Variants in RAD51B observed in about 807,000 individuals in gnomAD.
RAD51B encodes DNA repair protein RAD51 homolog 2.
In RAD51B, 38 loss-of-function variants were observed where a neutral mutation model predicts 42.2. The ratio of observed to expected loss-of-function variants is 0.90; its 90% confidence interval spans 0.70 to 1.18. The LOEUF (loss-of-function observed/expected upper bound fraction) is 1.18. RAD51B is among the 50% of genes most tolerant of loss of function. RAD51B has a pLI of 0.00. For synonymous variants in RAD51B, 154 were observed against 145.2 expected, an observed-to-expected ratio of 1.06 and a Z score of -0.43; for missense variants, 373 against 400.7, an observed-to-expected ratio of 0.93 and a Z score of 0.59.
intron 11 of RAD51B, among the ~76,000 whole-genome samples, chr14:68,681,879 T>G (rs1016693951): frequency 6.6e-6 from 1 of 152,152 alleles, no homozygotes; most frequent in South Asian, 2.1e-4. Context: ...ATGAAAGATA[T>G]AGTGGACTTT....
intron 7 of RAD51B, among the ~76,000 whole-genome samples, chr14:67,899,324 C>G (rs1178041511): frequency 1.3e-5 from 2 of 151,920 alleles, no homozygotes; most frequent in African/African-American, 4.8e-5. Flanking sequence ...GCTGGGATTA[C>G]AGGTGTGAGC....
intron 7 of RAD51B, among the ~76,000 whole-genome samples, chr14:67,898,814 A>G (rs1290199305): frequency 6.6e-6 from 1 of 152,268 alleles, no homozygotes; most frequent in African/African-American, 2.4e-5. Context: ...TTAACTTTGT[A>G]AGATTAAAAA....
intron 11 of RAD51B, among the ~76,000 whole-genome samples, chr14:68,653,657 C>T (rs1166224716): frequency 1.3e-5 from 2 of 152,174 alleles, no homozygotes; most frequent in Non-Finnish European, 2.9e-5. Context: ...CTCCTGGAGC[C>T]AAAATCACCC....
intron 7 of RAD51B, among the ~76,000 whole-genome samples, chr14:68,252,689 C>T (rs974932612): frequency 2.0e-5 from 3 of 152,166 alleles, no homozygotes; most frequent in Non-Finnish European, 4.4e-5. Flanking sequence ...CATACAAACC[C>T]ATTTGTTATT....
intron 7 of RAD51B, among the ~76,000 whole-genome samples, chr14:68,233,012 C>G (rs1230479767): frequency 6.6e-6 from 1 of 152,146 alleles, no homozygotes; most frequent in Non-Finnish European, 1.5e-5. Flanking sequence ...ATACCGTCTT[C>G]AGATGCTGGG....
chr14:68,352,553 C>A (rs1300207778), intron 8 of RAD51B, among the ~76,000 whole-genome samples: 3 of 152,248 alleles, frequency 2.0e-5, no homozygotes, highest in Non-Finnish European at 2.9e-5. Flanking sequence ...CCCTAATTAA[C>A]CAAGGTCCTT....
intron 10 of RAD51B, among the ~76,000 whole-genome samples, chr14:68,621,458 C>T (rs1448746382): frequency 6.6e-6 from 1 of 152,224 alleles, no homozygotes; most frequent in Non-Finnish European, 1.5e-5. Context: ...TTTAGGCCTA[C>T]CCAAGCCACT....
chr14:68,600,571 G>A (rs1445862001), downstream of RAD51B, among the ~76,000 whole-genome samples: 3 of 152,262 alleles, frequency 2.0e-5, no homozygotes, highest in South Asian at 4.1e-4. Context: ...ATCAGCACCC[G>A]CTGGGGCCAC....
chr14:68,421,952 C>A (rs1241529461), intron 9 of RAD51B: 1 of 1,556,126 alleles, frequency 6.4e-7, no homozygotes, highest in Non-Finnish European at 8.9e-7. Context: ...TTTCAAATTT[C>A]TCCGTGTAGA....
intron 10 of RAD51B, among the ~76,000 whole-genome samples, chr14:68,491,885 A>G (rs1594907835): frequency 6.6e-6 from 1 of 152,214 alleles, no homozygotes; most frequent in African/African-American, 2.4e-5. Flanking sequence ...CGTCTGCTCA[A>G]AACTCTCAAG....
Position 68,247,640 on chromosome 14 carries a change from A to G in RAD51B, c.757-44244A>G, listed in dbSNP as rs548213991. ...GATGGCTTATCATTCTCAACGGAAC[A>G]TAATTTTAAGGAGAAACACTTGGAA... On this transcript the variant is annotated intron_variant, in intron 7 of 10. Coordinates refer to ENST00000471583, the MANE Select transcript of RAD51B (RefSeq NM_133510.4). Among the ~76,000 whole-genome samples, 4 of 152,380 alleles carry G rather than the reference A, an allele frequency of 2.6e-5. No individual in the cohort carries two copies. The South Asian group carries it at 8.3e-4, about 32-fold the overall frequency.
At chr14:68,030,951 T>A (rs1420409532) in intron 7 of RAD51B, among the ~76,000 whole-genome samples, 1 of 152,160 alleles carries the variant, frequency 6.6e-6, no homozygotes, top group African/African-American at 2.4e-5. Flanking sequence ...TGAAGGGGAA[T>A]GGCCAGTTTG....
intron 7 of RAD51B, among the ~76,000 whole-genome samples, chr14:68,002,402 G>T (rs1478558101): frequency 1.3e-5 from 2 of 151,800 alleles, no homozygotes; most frequent in Non-Finnish European, 2.9e-5. Context: ...TTGTAAATTT[G>T]TTTAAGTTCC....
intron 7 of RAD51B, among the ~76,000 whole-genome samples, chr14:68,033,786 C>G (rs994895885): frequency 1.3e-5 from 2 of 152,058 alleles, no homozygotes; most frequent in African/African-American, 4.8e-5. Context: ...CACCATTGAG[C>G]CAAAGTAGGC....
At chr14:68,399,386 A>T (rs963086927) in intron 8 of RAD51B, among the ~76,000 whole-genome samples, 2 of 150,964 alleles carry the variant, frequency 1.3e-5, no homozygotes, top group African/African-American at 4.9e-5. Flanking sequence ...CCTCCCGAGT[A>T]GCTGGGACTA....
At chr14:67,849,772 G>C (rs2041742654) in intron 4 of RAD51B, among the ~76,000 whole-genome samples, 2 of 151,948 alleles carry the variant, frequency 1.3e-5, no homozygotes, top group Admixed American at 1.3e-4. Context: ...TCATTTCCTG[G>C]ATTGTTTTAT....
rs2042296153 is a variant in RAD51B, at chr14:67,865,158, T to C, written c.452+19T>C. 2 of 1,577,638 alleles carry C rather than the reference T, an allele frequency of 1.3e-6. No homozygotes were observed. Among genetic ancestry groups the C allele is most frequent in the Admixed American group, 1.8e-5 (1 of 54,800 alleles). On this transcript the variant is annotated intron_variant, in intron 5 of 10. Transcript: ENST00000471583. ...CTGAAAGGTATGAGATTTTATTTTC[T>C]ATTATAATGTTTTACTTTTGTAACT...
intron 7 of RAD51B, among the ~76,000 whole-genome samples, chr14:68,162,798 A>G (rs2078670017): frequency 6.6e-6 from 1 of 151,882 alleles, no homozygotes; most frequent in South Asian, 2.1e-4. Context: ...AAACAAAACA[A>G]AACAAAACAA....
chr14:68,383,553 T>G (rs951934282), intron 8 of RAD51B, among the ~76,000 whole-genome samples: 1 of 152,212 alleles, frequency 6.6e-6, no homozygotes, highest in African/African-American at 2.4e-5. Context: ...TATCCTCTTC[T>G]TTAAACGAGG....
Sources: allele counts gnomAD v4.1 joint callset (sites outside exome capture counted in the v4.1 genomes callset), GRCh38; gene constraint gnomAD v4.1.1; transcripts MANE v1.5; gene names NCBI Gene and HGNC (gene_info 2026-07-23, HGNC 2026-07-21).